The following FLT4 variants were observed in gnomAD, a reference collection of about 807,000 sequenced individuals.
FLT4 encodes fms related receptor tyrosine kinase 4.
Under a neutral mutation model 163.2 loss-of-function variants are expected in FLT4, and 30 were observed. The ratio of observed to expected loss-of-function variants is 0.18; its 90% CI spans 0.14 to 0.25. FLT4 has a LOEUF of 0.25. Ranked by LOEUF, FLT4 falls within the 10% of genes least tolerant of loss-of-function variation. The pLI, the probability that FLT4 is intolerant of heterozygous loss-of-function variation, is 1.00. For missense variants in FLT4, 1,510 were observed against 1,863.8 expected, an observed-to-expected ratio of 0.81 and a Z score of 3.50; for synonymous variants, 884 against 789.5, an observed-to-expected ratio of 1.12 and a Z score of -2.01.
At chr5:180,624,172 G>C in intron 10 of FLT4, 111 bp from the exon 11 acceptor site, 1 of 1,323,668 alleles carries the variant, frequency 7.6e-7, no homozygotes, top group Non-Finnish European at 1.1e-6. Flanking sequence ...ATATGGGGTC[G>C]TGGGCGAGGC....
In FLT4 at chr5:180,634,529, C is replaced by T. The variant is rs111523115; in HGVS notation, c.59-2751G>A. ...CATCCTGGCTAACACGGTGAAATCC[C>T]GTCTCTACTAAAAATACAAAAAATT... On this transcript the variant is annotated intron_variant, in intron 1 of 29. Coordinates refer to ENST00000261937, the MANE Select transcript of FLT4 (RefSeq NM_182925.5). Among the ~76,000 whole-genome samples, 323 of 151,624 alleles carry T rather than the reference C, an allele frequency of 2.1e-3. 1 individual carries two copies. The highest frequency in any genetic ancestry group is 7.1e-3 in the African/African-American group (292 of 41,348).
chr5:180,613,393 T>G (rs1203026171), intron 24 of FLT4: 2 of 417,984 alleles, frequency 4.8e-6, no homozygotes, highest in East Asian at 7.5e-5. Context: ...GTAGACATCA[T>G]GGTTACTGGA....
At chr5:180,626,312 C>G in intron 8 of FLT4, 47 bp from the exon 9 acceptor site, 1 of 1,599,090 alleles carries the variant, frequency 6.3e-7, no homozygotes, top group African/African-American at 1.3e-5. Flanking sequence ...CCACCACAGC[C>G]CCAACCTCAT....
chr5:180,607,155 A>G (rs1202429885), intron 29 of FLT4, among the ~76,000 whole-genome samples: 2 of 152,208 alleles, frequency 1.3e-5, no homozygotes, highest in African/African-American at 2.4e-5. Context: ...CTATACCCTT[A>G]AAAGTTTCAA....
In FLT4 at chr5:180,620,946, C is replaced by T. The variant is rs1406184972; in HGVS notation, c.2229G>A (p.Ala743=). ...TGCACACGCTGCACAGATAGCGTCC[C>T]GCATCCTCCTCGCGCACGCGCTGGA... is the stretch of plus-strand genomic sequence containing the variant. ...LSIQRVREED[A]GRYLCSVCNA... The change falls in exon 15 of 30, where the codon GCG becomes GCA. Residue 743 remains alanine, a synonymous_variant. Transcript: ENST00000261937. The surrounding 1 kb of genome is among the most constrained non-coding windows in gnomAD (Gnocchi z 4.4). 1.9e-6 allele frequency: 3 copies of T among 1,610,376 alleles called. No individual in the cohort carries two copies. Among genetic ancestry groups the T allele is most frequent in the Admixed American group, 1.7e-5 (1 of 59,718 alleles).
chr5:180,638,434 A>C (rs1278762510), intron 1 of FLT4, among the ~76,000 whole-genome samples: 2 of 152,210 alleles, frequency 1.3e-5, no homozygotes, highest in Non-Finnish European at 2.9e-5. Flanking sequence ...CACTGGGGCC[A>C]GCACAGCTGC....
At chr5:180,619,841 GC>G in intron 17 of FLT4, 72 bp from the exon 18 acceptor site, 1 of 1,129,280 alleles carries the variant, frequency 8.9e-7, no homozygotes, top group Non-Finnish European at 1.3e-6. Flanking sequence ...CGGCGGGGGA[GC>G]CCCGTGCAGA....
chr5:180,623,901 T>G lies in FLT4; in HGVS notation c.1548+34A>C. Reference sequence around the variant, plus strand: ...GCCTCTCTCTCCTCCCTTCTCCTTCTCCCTGGGCACTCAGCAGCGCGGCTG... The same window carrying G: ...GCCTCTCTCTCCTCCCTTCTCCTTCGCCCTGGGCACTCAGCAGCGCGGCTG... On this transcript the variant is annotated intron_variant, in intron 11 of 29. Coordinates refer to ENST00000261937, the MANE Select transcript of FLT4 (RefSeq NM_182925.5). This position sits in a 1 kb window ranked among gnomAD's most constrained non-coding sequence, Gnocchi z 5.8. 1 of 1,612,838 alleles carries G rather than the reference T, an allele frequency of 6.2e-7. No individual in the cohort carries two copies. The highest frequency in any genetic ancestry group is 8.5e-7 in the Non-Finnish European group (1 of 1,179,568).
intron 24 of FLT4, 93 bp from the exon 25 acceptor site, chr5:180,613,203 G>A (rs1219399705): frequency 2.3e-6 from 2 of 855,858 alleles, no homozygotes; most frequent in Non-Finnish European, 3.8e-6. Context: ...TCCCCATCAA[G>A]TCACCCCGTC....
chr5:180,628,796 G>T (rs1195519957), intron 8 of FLT4, 86 bp downstream of exon 8: 12 of 946,180 alleles, frequency 1.3e-5, no homozygotes, highest in Non-Finnish European at 2.0e-5. Flanking sequence ...TGACGGGGAG[G>T]ACGCTGCCCG....
intron 1 of FLT4, among the ~76,000 whole-genome samples, chr5:180,641,070 A>T (rs930307703): frequency 6.6e-6 from 1 of 152,170 alleles, no homozygotes; most frequent in Non-Finnish European, 1.5e-5. Flanking sequence ...TCTCTCAACC[A>T]TCACCCTGAG....
In FLT4 at chr5:180,623,991, C is replaced by A; in HGVS notation, c.1492G>T (p.Val498Leu). 6.2e-7 allele frequency: 1 copy of A among 1,613,534 alleles called. No homozygotes were observed. The highest frequency in any genetic ancestry group is 8.5e-7 in the Non-Finnish European group (1 of 1,179,996). The change falls in exon 11 of 30, where the codon GTG (valine) becomes TTG (leucine). Residue 498 changes from valine (V) to leucine (L), a missense_variant. Val to Leu is a conservative substitution (Grantham distance 32). Coordinates refer to ENST00000261937, the MANE Select transcript of FLT4 (RefSeq NM_182925.5). This position sits in a 1 kb window ranked among gnomAD's most constrained non-coding sequence, Gnocchi z 5.8. ...GTGTCCAGGCTCTCGATGGGGTTCA[C>A]GGCATCCTGCGTGGTCACCGCCCTC... is the stretch of plus-strand genomic sequence containing the variant. ...DWRAVTTQDA[V>L]NPIESLDTWT...
intron 8 of FLT4, among the ~76,000 whole-genome samples, chr5:180,628,317 C>A (rs1470799510): frequency 6.6e-6 from 1 of 152,214 alleles, no homozygotes; most frequent in Non-Finnish European, 1.5e-5. Context: ...GACAGGGCCA[C>A]CCCTGAGGCC....
chr5:180,618,732 G>A (rs374726300), intron 21 of FLT4, 38 bp downstream of exon 21: 4 of 1,568,942 alleles, frequency 2.5e-6, no homozygotes, highest in African/African-American at 2.7e-5. Context: ...AACCGGGCCC[G>A]TCAGGCACTA....
Position 180,602,724 on chromosome 5 carries a change from T to C in FLT4, c.*468A>G, listed in dbSNP as rs139719678. The C allele has an allele frequency of 9.0e-4, 403 of 449,342 alleles. 2 individuals carry two copies. Among genetic ancestry groups the C allele is most frequent in the African/African-American group, 7.2e-3 (365 of 50,530 alleles). The allele number at this position is 449,342 out of a possible 1,614,324, so 27.8% of individuals were successfully genotyped here. On this transcript the variant is annotated 3_prime_UTR_variant, in exon 30 of 30. Coordinates refer to ENST00000261937, the MANE Select transcript of FLT4 (RefSeq NM_182925.5). ...GGTGGGTGAGGCCAGCCAGCCCTCG[T>C]GGGGAGAGTAGCTGTGTGCCTGAGG...
At position 180,644,638 on chromosome 5, in the gene FLT4, A is replaced by G. The variant is rs537712855; in HGVS notation, c.58+4850T>C. ...TTTCCTAATCTCCAAAATAAGCATA[A>G]TAAGGTCTGCGTGACGAGGTTAAAA... On this transcript the variant is annotated intron_variant, in intron 1 of 29. Transcript: ENST00000261937. 3.3e-5 allele frequency among the ~76,000 whole-genome samples: 5 copies of G among 152,374 alleles called. 1 individual carries two copies. The South Asian group carries it at 8.3e-4, about 25-fold the overall frequency.
chr5:180,620,391 C>G lies in FLT4; in HGVS notation c.2407-83G>C, dbSNP rs1763033006. The G allele has an allele frequency of 1.2e-5, 18 of 1,547,434 alleles. No individual in the cohort carries two copies. The highest frequency in any genetic ancestry group is 1.4e-5 in the African/African-American group (1 of 73,712). On this transcript the variant is annotated intron_variant, in intron 16 of 29. Transcript: ENST00000261937. The surrounding 1 kb of genome is among the most constrained non-coding windows in gnomAD (Gnocchi z 4.4). ...GGCTTGGGCAGAACTTTGCCCAGGA[C>G]AGATGGCACTTCCTGCGGGGTTCTC...
intron 1 of FLT4, among the ~76,000 whole-genome samples, chr5:180,645,928 G>A (rs1281845963): frequency 6.6e-6 from 1 of 152,142 alleles, no homozygotes; most frequent in East Asian, 1.9e-4. Flanking sequence ...CAACTCCGAG[G>A]GGCATCTCAG....
intron 1 of FLT4, among the ~76,000 whole-genome samples, chr5:180,646,828 A>G (rs893141968): frequency 6.6e-6 from 1 of 152,150 alleles, no homozygotes; most frequent in Non-Finnish European, 1.5e-5. Context: ...CAGACAGACC[A>G]CACATCACAC....
Sources: gnomAD v4.1 joint callset for allele counts (sites outside exome capture counted in the v4.1 genomes callset) on GRCh38, gnomAD v4.1.1 for gene constraint, Gnocchi (gnomAD v3.1) non-coding constraint, MANE v1.5 for transcripts, NCBI Gene and HGNC (gene_info 2026-07-23, HGNC 2026-07-21) for gene names.